Variants in GSTM4 observed in about 807,000 individuals in gnomAD.
GSTM4 encodes the protein glutathione S-transferase mu 4.
GSTM4 carries 27 observed loss-of-function variants against 30.1 expected under a neutral mutation model. That is an observed-to-expected ratio of 0.90 (90% CI 0.66 to 1.24). The LOEUF (loss-of-function observed/expected upper bound fraction) is 1.24, where lower values mean the gene tolerates loss of function less well. Among genes scored for constraint, GSTM4 ranks in the 50% most tolerant of loss-of-function variants. GSTM4 has a pLI of 0.00. For synonymous variants in GSTM4, 94 were observed against 96.2 expected (o/e 0.98, Z 0.13); for missense variants, 238 against 272.1 (o/e 0.87, Z 0.88).
chr1:109,665,651 G>T (rs886807544), downstream of GSTM4, among the ~76,000 whole-genome samples: 1 of 151,984 alleles, frequency 6.6e-6, no homozygotes, highest in African/African-American at 2.4e-5. Context: ...AAGATAAAAC[G>T]CTGCAGCATA....
Position 109,661,685 on chromosome 1 carries a change from T to C in GSTM4, c.*431T>C, listed in dbSNP as rs1652331673. On this transcript the variant is annotated 3_prime_UTR_variant, in exon 8 of 8. Transcript: ENST00000369836. ...CTGCCTTAGGCCTACCTGATCAAAA[T>C]AAAGCCTCAGCCACATTTGCTATAG... 1 of 1,094,856 alleles carries C rather than the reference T, an allele frequency of 9.1e-7. No individual in the cohort carries two copies. 67.8% of individuals were successfully genotyped at this position (1,094,856 alleles called of 1,614,324 possible).
At chr1:109,658,954 C>T (rs763139683) in intron 6 of GSTM4, 45 bp downstream of exon 6, 22 of 1,611,984 alleles carry the variant, frequency 1.4e-5, no homozygotes, top group Non-Finnish European at 1.7e-5. Flanking sequence ...TGCCATACAT[C>T]CTACGTTACA....
intron 5 of GSTM4, 172 bp from the exon 6 acceptor site, chr1:109,658,642 G>A: frequency 1.6e-6 from 1 of 633,604 alleles, no homozygotes; most frequent in Non-Finnish European, 2.9e-6. Context: ...AAAGCCTCCA[G>A]CTACCCATTT....
At position 109,658,914 on chromosome 1, in the gene GSTM4, T is replaced by C. The variant is rs1331477386; in HGVS notation, c.456+5T>C. 1 of 1,612,674 alleles carries C rather than the reference T, an allele frequency of 6.2e-7. No individual in the cohort carries two copies. Among genetic ancestry groups the C allele is most frequent in the South Asian group, 1.1e-5 (1 of 91,068 alleles). On this transcript the variant is annotated splice_donor_5th_base_variant and intron_variant, in intron 6 of 7. Transcript: ENST00000369836. ...CCATGGTTTGTTGGAGACAAGGTAATGGGGGCATGTGATGAGGACACTAGA... is the reference window on the plus strand; with the variant it reads ...CCATGGTTTGTTGGAGACAAGGTAACGGGGGCATGTGATGAGGACACTAGA...
Position 109,657,270 on chromosome 1 carries a change from C to T in GSTM4, c.168C>T (p.Asp56=). ...ATGAAAAATTCAAGCTGGGCCTGGA[C>T]TTTCCCAATGTAGGTGCAGGGGAAG... ...WLNEKFKLGL[D]FPNLPYLIDG... The change falls in exon 3 of 8, where the codon GAC becomes GAT. Residue 56 remains aspartate (D), a synonymous_variant. Coordinates refer to ENST00000369836, the MANE Select transcript of GSTM4 (RefSeq NM_000850.5). 6.2e-7 allele frequency: 1 copy of T among 1,612,488 alleles called. No individual in the cohort carries two copies. Among genetic ancestry groups the T allele is most frequent in the East Asian group, 2.2e-5 (1 of 44,886 alleles).
rs1652179478 is a variant in GSTM4 at position 109,659,121 on chromosome 1, C to T, written c.567+11C>T. Reference sequence around the variant, plus strand: ...ATCTCCCGCTTTGAGGTGATGCCCCCATCCTCCTTTCTCTTTGATGCCCCT... The same window carrying T: ...ATCTCCCGCTTTGAGGTGATGCCCCTATCCTCCTTTCTCTTTGATGCCCCT... On this transcript the variant is annotated intron_variant, in intron 7 of 7. Coordinates refer to ENST00000369836, the MANE Select transcript of GSTM4 (RefSeq NM_000850.5). 6.2e-7 allele frequency: 1 copy of T among 1,614,218 alleles called. No individual in the cohort carries two copies. The highest frequency in any genetic ancestry group is 8.5e-7 in the Non-Finnish European group (1 of 1,180,046).
Position 109,656,249 on chromosome 1 carries a change from G to A in GSTM4, c.-141G>A, listed in dbSNP as rs1651971468. 2 of 826,480 alleles carry A rather than the reference G, an allele frequency of 2.4e-6. No individual in the cohort carries two copies. Among genetic ancestry groups the A allele is most frequent in the South Asian group, 2.7e-5 (2 of 74,620 alleles). The allele number at this position is 826,480 out of a possible 1,614,324, so 51.2% of individuals were successfully genotyped here. On this transcript the variant is annotated 5_prime_UTR_variant, in exon 1 of 8. Transcript: ENST00000369836. ...TGAAGATCGGCCGGTTGGAAGTGACGACCTTGAAGATCGGCGGGCGCAGCG... is the reference window on the plus strand; with the variant it reads ...TGAAGATCGGCCGGTTGGAAGTGACAACCTTGAAGATCGGCGGGCGCAGCG...
intron 7 of GSTM4, 161 bp from the exon 8 acceptor site, chr1:109,661,004 C>T (rs569650040): frequency 1.9e-4 from 160 of 835,376 alleles, no homozygotes; most frequent in Non-Finnish European, 2.5e-4. Context: ...GAGTTAACTC[C>T]GCAAATCTGG....
Position 109,659,125 on chromosome 1 carries a change from C to G in GSTM4, c.567+15C>G. The G allele has an allele frequency of 6.2e-7, 1 of 1,614,202 alleles. No individual in the cohort carries two copies. The highest frequency in any genetic ancestry group is 1.3e-5 in the African/African-American group (1 of 75,060). ...CCCGCTTTGAGGTGATGCCCCCATC[C>G]TCCTTTCTCTTTGATGCCCCTTGTT... is the stretch of plus-strand genomic sequence containing the variant. On this transcript the variant is annotated intron_variant, in intron 7 of 7. Coordinates refer to ENST00000369836, the MANE Select transcript of GSTM4 (RefSeq NM_000850.5).
rs1170928898 is a variant in GSTM4, at chr1:109,658,672, T to G, written c.361-142T>G. The G allele has an allele frequency of 2.3e-5, 16 of 696,106 alleles. No individual in the cohort carries two copies. In the Admixed American group the frequency reaches 3.3e-4, roughly 15 times the overall value. 43.1% of individuals were successfully genotyped at this position (696,106 alleles called of 1,614,324 possible). A position where few individuals can be genotyped will look rare whatever the true frequency, so the allele number is the denominator to read the frequency against. ...CCATTTGGAGTGTAATAAATGCTGGTATGTCCAGCTGAAGCCAGTTCCAGC... is the reference window on the plus strand; with the variant it reads ...CCATTTGGAGTGTAATAAATGCTGGGATGTCCAGCTGAAGCCAGTTCCAGC... On this transcript the variant is annotated intron_variant, in intron 5 of 7. Transcript: ENST00000369836.
At chr1:109,656,879 C>G in intron 2 of GSTM4, 92 bp downstream of exon 2, 1 of 1,263,720 alleles carries the variant, frequency 7.9e-7, no homozygotes, top group South Asian at 1.2e-5. Context: ...CTCTGCAGGC[C>G]TCCCCTGCTG....
At chr1:109,657,004 G>A (rs1652032575) in intron 2 of GSTM4, 1 of 781,940 alleles carries the variant, frequency 1.3e-6, no homozygotes, top group African/African-American at 1.7e-5. Flanking sequence ...GTGTCCCTCA[G>A]AGCTTCCCTA....
rs1652311379 is a variant in GSTM4, at chr1:109,661,388, C to T, written c.*134C>T. ...CTCCTGTTTATTCCCATCTTTACCC[C>T]CAAGACTTTATTGGGCCTCTTCACT... On this transcript the variant is annotated 3_prime_UTR_variant, in exon 8 of 8. Transcript: ENST00000369836. 9.7e-6 allele frequency: 15 copies of T among 1,545,502 alleles called. No individual in the cohort carries two copies. The highest frequency in any genetic ancestry group is 2.1e-4 in the Middle Eastern group (1 of 4,796).
downstream of GSTM4, among the ~76,000 whole-genome samples, chr1:109,662,002 A>T (rs1652342490): frequency 6.6e-6 from 1 of 152,068 alleles, no homozygotes; most frequent in Non-Finnish European, 1.5e-5. Context: ...ACATTAAAAA[A>T]ATTTTTGTAG....
chr1:109,666,542 A>G (rs1038504794), downstream of GSTM4, among the ~76,000 whole-genome samples: 10 of 152,020 alleles, frequency 6.6e-5, no homozygotes, highest in African/African-American at 1.9e-4. Flanking sequence ...TCCCTGCCCA[A>G]TTCTCCTTCT....
intron 3 of GSTM4, 46 bp downstream of exon 3, chr1:109,657,325 C>T: frequency 1.3e-6 from 2 of 1,599,000 alleles, no homozygotes; most frequent in Non-Finnish European, 1.7e-6. Flanking sequence ...TGCGACGTGT[C>T]TCTGACTGCA....
chr1:109,665,688 G>A (rs1647298348), downstream of GSTM4, among the ~76,000 whole-genome samples: 1 of 152,144 alleles, frequency 6.6e-6, no homozygotes, highest in Admixed American at 6.6e-5. Context: ...TTTTCTATAT[G>A]GAAAGCACTT....
downstream of GSTM4, among the ~76,000 whole-genome samples, chr1:109,662,133 C>A (rs1652345824): frequency 6.6e-6 from 1 of 152,192 alleles, no homozygotes; most frequent in Non-Finnish European, 1.5e-5. Context: ...GGCCCTGTTT[C>A]CAACTTCTTG....
rs921064370 is a variant in GSTM4 at position 109,656,335 on chromosome 1, G to A, written c.-55G>A. On this transcript the variant is annotated 5_prime_UTR_variant, in exon 1 of 8. Coordinates refer to ENST00000369836, the MANE Select transcript of GSTM4 (RefSeq NM_000850.5). ...CCTGCGTGCCGGGAACCCCAGAGGA[G>A]GTCGCAGTTCAGCCCAGCTGAGGCC... 6.3e-6 allele frequency: 10 copies of A among 1,580,306 alleles called. No homozygotes were observed. The South Asian group carries it at 1.1e-4, about 17-fold the overall frequency.
Sources: gnomAD v4.1 joint callset for allele counts (sites outside exome capture counted in the v4.1 genomes callset) on GRCh38, gnomAD v4.1.1 for gene constraint, MANE v1.5 for transcripts, NCBI Gene and HGNC (gene_info 2026-07-23, HGNC 2026-07-21) for gene names.